The following ZMYND11 variants were observed in gnomAD, a reference collection of about 807,000 sequenced individuals.
The protein encoded by ZMYND11 is zinc finger MYND-type containing 11.
Under a neutral mutation model 84.9 loss-of-function variants are expected in ZMYND11, and 9 were observed. That is an observed-to-expected ratio of 0.11 (90% CI 0.06 to 0.18). The LOEUF is 0.18. Among genes scored for constraint, ZMYND11 ranks in the 10% least tolerant of loss-of-function variants. The pLI is 1.00. For synonymous variants in ZMYND11, 250 were observed against 244.1 expected, an observed-to-expected ratio of 1.02 and a Z score of -0.23; for missense variants, 409 against 761.0, an observed-to-expected ratio of 0.54 and a Z score of 5.44.
chr10:148,547 A>T (rs1226579617), intron 1 of ZMYND11: 1 of 152,270 alleles, frequency 6.6e-6, no homozygotes, highest in Non-Finnish European at 1.5e-5. Flanking sequence ...TATTACTCAC[A>T]CTAGTGTTTT....
chr10:237,885 G>T (rs761091785), intron 6 of ZMYND11, among the ~76,000 whole-genome samples: 1 of 152,138 alleles, frequency 6.6e-6, no homozygotes, highest in Non-Finnish European at 1.5e-5. Context: ...TGCAAATTAG[G>T]TGTCATCTTT....
At chr10:240,215 G>A (rs1231225356) in intron 8 of ZMYND11, 104 bp downstream of exon 8, 2 of 1,053,728 alleles carry the variant, frequency 1.9e-6, no homozygotes, top group Admixed American at 2.5e-5. Context: ...TCCTTTAAAT[G>A]TCTTTTATTG....
intron 1 of ZMYND11, among the ~76,000 whole-genome samples, chr10:153,950 A>G (rs1271161821): frequency 6.6e-6 from 1 of 152,216 alleles, no homozygotes; most frequent in Admixed American, 6.5e-5. Context: ...CCTTTTGAAC[A>G]TGAGACAGCC....
chr10:210,739 T>TA (rs1183567515), intron 3 of ZMYND11, among the ~76,000 whole-genome samples: 2 of 152,260 alleles, frequency 1.3e-5, no homozygotes, highest in Non-Finnish European at 2.9e-5. Context: ...ATTTTTTTCT[T>TA]ACGTAAAGAT....
At chr10:232,102 ATTGTTT>A (rs988184619) in intron 4 of ZMYND11, among the ~76,000 whole-genome samples, 1 of 152,178 alleles carries the variant, frequency 6.6e-6, no homozygotes, top group Admixed American at 6.5e-5. Flanking sequence ...ATTATAAAGC[ATTGTTT>A]TTATGTTTTT....
At chr10:182,592 G>A (rs1018109476) in intron 2 of ZMYND11, among the ~76,000 whole-genome samples, 1 of 152,184 alleles carries the variant, frequency 6.6e-6, no homozygotes, top group Admixed American at 6.5e-5. Context: ...TGAGAGGTAT[G>A]CCATGTTTAT....
intron 4 of ZMYND11, among the ~76,000 whole-genome samples, chr10:225,139 T>C (rs141954175): frequency 3.2e-3 from 483 of 152,342 alleles, no homozygotes; most frequent in African/African-American, 0.011. Context: ...TATACATTTA[T>C]GTAATTCTGT....
chr10:159,171 C>T (rs1254236687), intron 1 of ZMYND11, among the ~76,000 whole-genome samples: 11 of 149,812 alleles, frequency 7.3e-5, no homozygotes, highest in Non-Finnish European at 1.0e-4. Flanking sequence ...TGCCCCATAC[C>T]GTATTCAGCC....
At position 247,448 on chromosome 10, in the gene ZMYND11, T is replaced by G; in HGVS notation, c.1209T>G (p.Ser403Arg). 6.2e-7 allele frequency: 1 copy of G among 1,614,084 alleles called. No individual in the cohort carries two copies. The highest frequency in any genetic ancestry group is 8.5e-7 in the Non-Finnish European group (1 of 1,179,982). The stretch of plus-strand genomic sequence containing the variant: ...CAAAGAAAGGACGACGTAATCAAAG[T>G]GTGGAGCCCAAAAAGGAAGTAAGTT... ...PRAKKGRRNQ[S>R]VEPKKEEPEP... Residue 403 changes from serine to arginine, a missense_variant, in exon 12 of 15, where the codon AGT (serine) becomes AGG (arginine). This residue lies in a region of ZMYND11 where 19 missense variants were observed against 60.5 expected (regional missense o/e 0.31). Transcript: ENST00000381604.
intron 4 of ZMYND11, among the ~76,000 whole-genome samples, chr10:229,352 A>G (rs924696870): frequency 2.0e-5 from 3 of 152,162 alleles, no homozygotes; most frequent in Non-Finnish European, 4.4e-5. Context: ...AGTTTGCATT[A>G]TCTTGAGTTC....
intron 1 of ZMYND11, among the ~76,000 whole-genome samples, chr10:178,159 G>A (rs1847072937): frequency 6.6e-6 from 1 of 152,154 alleles, no homozygotes; most frequent in Admixed American, 6.5e-5. Context: ...AGCACATATT[G>A]TGGACCATTT....
intron 1 of ZMYND11, among the ~76,000 whole-genome samples, chr10:168,056 A>G (rs1406027432): frequency 6.6e-6 from 1 of 152,104 alleles, no homozygotes; most frequent in African/African-American, 2.4e-5. Context: ...ATCAGTAAGT[A>G]TTTATTTAGC....
intron 9 of ZMYND11, among the ~76,000 whole-genome samples, chr10:241,530 G>A (rs1269618125): frequency 6.6e-6 from 1 of 152,148 alleles, no homozygotes; most frequent in African/African-American, 2.4e-5. Flanking sequence ...CCTTTCACAA[G>A]AGACCTAAGG....
At chr10:234,756 C>G (rs1384433659) in intron 4 of ZMYND11, among the ~76,000 whole-genome samples, 2 of 151,678 alleles carry the variant, frequency 1.3e-5, no homozygotes, top group African/African-American at 4.8e-5. Flanking sequence ...AATCTCCAGC[C>G]TTCTTACGTT....
At chr10:239,578 C>A in intron 7 of ZMYND11, 53 bp downstream of exon 7, 3 of 1,164,006 alleles carry the variant, frequency 2.6e-6, no homozygotes, top group Non-Finnish European at 3.8e-6. Context: ...CATTTACATT[C>A]CATGTTGAAC....
At chr10:220,778 CAAG>C (rs1222652380) in intron 3 of ZMYND11, among the ~76,000 whole-genome samples, 1 of 150,240 alleles carries the variant, frequency 6.7e-6, no homozygotes. Flanking sequence ...CACAGTGTGT[CAAG>C]GACTGTTATA....
At chr10:204,510 T>TA (rs1267402342) in intron 2 of ZMYND11, among the ~76,000 whole-genome samples, 5 of 152,178 alleles carry the variant, frequency 3.3e-5, no homozygotes, top group Non-Finnish European at 2.9e-5. Context: ...TTAAATTACT[T>TA]AAAAAAGCAT....
chr10:244,132 G>A (rs1951629091), intron 10 of ZMYND11, among the ~76,000 whole-genome samples: 3 of 152,010 alleles, frequency 2.0e-5, no homozygotes, highest in Non-Finnish European at 4.4e-5. Flanking sequence ...TTGAAGTGAA[G>A]GACTGGTTAG....
chr10:209,490 C>T (rs1944791065), intron 2 of ZMYND11, among the ~76,000 whole-genome samples: 1 of 152,016 alleles, frequency 6.6e-6, no homozygotes, highest in Non-Finnish European at 1.5e-5. Context: ...TTCTAAGGTC[C>T]TATGGTTGGA....
Sources: gnomAD v4.1 joint callset for allele counts (sites outside exome capture counted in the v4.1 genomes callset) on GRCh38, gnomAD v4.1.1 for gene constraint, gnomAD v4.1.1 regional missense constraint, MANE v1.5 for transcripts, NCBI Gene and HGNC (gene_info 2026-07-23, HGNC 2026-07-21) for gene names.